CEP112: variants seen among roughly 807,000 people sequenced by gnomAD.
CEP112 encodes centrosomal protein 112.
A neutral mutation model predicts 153.0 loss-of-function variants in CEP112; 127 were observed. The ratio of observed to expected loss-of-function variants is 0.83; its 90% CI spans 0.72 to 0.96. The LOEUF (loss-of-function observed/expected upper bound fraction) is 0.96, where lower values mean the gene tolerates loss of function less well. CEP112 is among the 40% of genes least tolerant of loss of function. The pLI, the probability that CEP112 is intolerant of heterozygous loss-of-function variation, is 0.00. For missense variants in CEP112, 1,089 were observed against 1,101.2 expected (o/e 0.99, Z 0.16); for synonymous variants, 358 against 374.4 (o/e 0.96, Z 0.51).
At position 65,811,822 on chromosome 17, in the gene CEP112, G is replaced by A. The variant is rs202188454; in HGVS notation, c.2394+39982C>T. Reference sequence around the variant, plus strand: ...TTTTATAAATCTCCTATTTAGAACCGAAAACTAAAGAGCCTGGCTTTTCTG... The same window carrying A: ...TTTTATAAATCTCCTATTTAGAACCAAAAACTAAAGAGCCTGGCTTTTCTG... On this transcript the variant is annotated intron_variant, in intron 21 of 26. Transcript: ENST00000535342. Among the ~76,000 whole-genome samples the A allele has an allele frequency of 5.3e-5, 8 of 152,132 alleles. No homozygotes were observed. The Middle Eastern group carries it at 0.01, about 194-fold the overall frequency.
intron 21 of CEP112, among the ~76,000 whole-genome samples, chr17:65,830,844 TA>T (rs763041703): frequency 6.1e-4 from 93 of 152,354 alleles, no homozygotes; most frequent in Admixed American, 1.4e-3. Flanking sequence ...ATTCTCACTA[TA>T]AGTCTTCCCC....
At chr17:66,132,613 G>C (rs917526503) in intron 5 of CEP112, 57 bp downstream of exon 5, 242 of 1,185,008 alleles carry the variant, frequency 2.0e-4, no homozygotes, top group Non-Finnish European at 2.8e-4. Context: ...TTAAAACTTT[G>C]TTCAGCTATT....
intron 23 of CEP112, among the ~76,000 whole-genome samples, chr17:65,695,479 C>T (rs1194820830): frequency 6.6e-6 from 1 of 152,154 alleles, no homozygotes; most frequent in Non-Finnish European, 1.5e-5. Flanking sequence ...TAAAACCACA[C>T]ATTAAGGAAT....
intron 21 of CEP112, among the ~76,000 whole-genome samples, chr17:65,835,497 T>C (rs1009615570): frequency 2.0e-5 from 3 of 152,148 alleles, no homozygotes; most frequent in African/African-American, 4.8e-5. Flanking sequence ...CCAATACGGC[T>C]TTCAATGGAT....
chr17:66,072,402 G>A (rs529322816), intron 8 of CEP112, among the ~76,000 whole-genome samples: 10 of 152,172 alleles, frequency 6.6e-5, no homozygotes, highest in South Asian at 2.1e-4. Flanking sequence ...CAAGAATCAC[G>A]CATTGCTTTT....
Position 65,843,072 on chromosome 17 carries a change from A to G in CEP112, c.2394+8732T>C, listed in dbSNP as rs545234802. Among the ~76,000 whole-genome samples, 18 of 152,280 alleles carry G rather than the reference A, an allele frequency of 1.2e-4. No individual in the cohort carries two copies. The South Asian group carries it at 3.1e-3, about 26-fold the overall frequency. ...AGTGTTAGTTTTTGTATAAGACAAG[A>G]TTATAACCCCTGTCATAGTCAAGAA... On this transcript the variant is annotated intron_variant, in intron 21 of 26. Transcript: ENST00000535342.
intron 17 of CEP112, among the ~76,000 whole-genome samples, chr17:65,986,459 C>A (rs1215586692): frequency 1.3e-5 from 2 of 152,062 alleles, no homozygotes; most frequent in Non-Finnish European, 2.9e-5. Flanking sequence ...AATGCTTTTT[C>A]CTTCCATGGT....
chr17:66,003,716 C>T (rs1374758686), intron 17 of CEP112, among the ~76,000 whole-genome samples: 1 of 152,174 alleles, frequency 6.6e-6, no homozygotes, highest in Non-Finnish European at 1.5e-5. Context: ...AGGTGAGCCC[C>T]GGGCAAGCCA....
intron 19 of CEP112, among the ~76,000 whole-genome samples, chr17:65,906,086 C>T (rs1390452072): frequency 6.6e-6 from 1 of 152,092 alleles, no homozygotes; most frequent in Non-Finnish European, 1.5e-5. Context: ...ACTATGCAGC[C>T]ATAAAAAATG....
intron 21 of CEP112, among the ~76,000 whole-genome samples, chr17:65,763,447 G>GT (rs1280911999): frequency 1.3e-5 from 2 of 149,866 alleles, no homozygotes; most frequent in Non-Finnish European, 3.0e-5. Flanking sequence ...TCCCATATGT[G>GT]TACATTACAC....
chr17:66,005,828 G>A, intron 16 of CEP112, 59 bp from the exon 17 acceptor site: 8 of 1,420,346 alleles, frequency 5.6e-6, no homozygotes, highest in Non-Finnish European at 6.7e-6. Context: ...ACTTCAAAGA[G>A]ACATACAAAC....
At chr17:66,148,621 T>C (rs1031077911) in intron 4 of CEP112, among the ~76,000 whole-genome samples, 8 of 152,208 alleles carry the variant, frequency 5.3e-5, no homozygotes, top group Admixed American at 4.6e-4. Context: ...GATGCTATTG[T>C]AAATGAGATT....
At chr17:65,787,530 T>C (rs530683325) in intron 21 of CEP112, among the ~76,000 whole-genome samples, 3 of 152,328 alleles carry the variant, frequency 2.0e-5, no homozygotes, top group Admixed American at 6.5e-5. Flanking sequence ...TTGCATTAAA[T>C]CTATAGGTCA....
At chr17:65,835,592 C>T (rs1157929702) in intron 21 of CEP112, among the ~76,000 whole-genome samples, 1 of 152,080 alleles carries the variant, frequency 6.6e-6, no homozygotes, top group Non-Finnish European at 1.5e-5. Context: ...GAGAGACTGA[C>T]AACTAAGAAT....
chr17:65,930,598 T>C (rs2061085006), intron 18 of CEP112, among the ~76,000 whole-genome samples: 1 of 152,218 alleles, frequency 6.6e-6, no homozygotes, highest in Non-Finnish European at 1.5e-5. Flanking sequence ...AGATAATTAG[T>C]ATTGTGGTCA....
At chr17:65,916,705 C>T (rs960359402) in intron 19 of CEP112, among the ~76,000 whole-genome samples, 7 of 146,886 alleles carry the variant, frequency 4.8e-5, no homozygotes, top group African/African-American at 1.7e-4. Flanking sequence ...AGCCACCATG[C>T]CAGTCTAATT....
intron 4 of CEP112, among the ~76,000 whole-genome samples, chr17:66,159,102 G>T (rs2071579985): frequency 1.3e-5 from 2 of 152,146 alleles, no homozygotes; most frequent in Non-Finnish European, 2.9e-5. Context: ...AGATCTAGAA[G>T]AAATGGATAA....
intron 21 of CEP112, among the ~76,000 whole-genome samples, chr17:65,767,092 C>T (rs993040875): frequency 6.6e-6 from 1 of 151,956 alleles, no homozygotes; most frequent in Non-Finnish European, 1.5e-5. Flanking sequence ...TACACATTCT[C>T]CTTTAGTGCA....
chr17:65,737,363 A>C (rs933924578), intron 23 of CEP112, among the ~76,000 whole-genome samples: 10 of 152,202 alleles, frequency 6.6e-5, no homozygotes, highest in Non-Finnish European at 1.2e-4. Context: ...TTATGAGTCA[A>C]AATTCTGAGA....
Sources: allele counts gnomAD v4.1 joint callset (sites outside exome capture counted in the v4.1 genomes callset), GRCh38; gene constraint gnomAD v4.1.1; transcripts MANE v1.5; gene names NCBI Gene and HGNC (gene_info 2026-07-23, HGNC 2026-07-21).